The following HMGB4 variants were observed in gnomAD, a reference collection of about 807,000 sequenced individuals.
HMGB4 encodes high mobility group box 4, also known as high mobility group protein B4.
For missense variants in HMGB4, 217 were observed against 220.4 expected, an observed-to-expected ratio of 0.98 and a Z score of 0.10; for synonymous variants, 82 against 84.9, an observed-to-expected ratio of 0.97 and a Z score of 0.19.
In HMGB4 at chr1:33,864,551, G is replaced by T; in HGVS notation, c.360G>T (p.Val120=). The T allele has an allele frequency of 6.2e-7, 1 of 1,614,082 alleles. No homozygotes were observed. Among genetic ancestry groups the T allele is most frequent in the Non-Finnish European group, 8.5e-7 (1 of 1,180,010 alleles). The change falls in exon 1 of 1, where the codon GTG becomes GTT. Residue 120 remains valine (V), a synonymous_variant. Coordinates refer to ENST00000681531, the MANE Select transcript of HMGB4 (RefSeq NM_001379301.1). The part of the protein sequence containing the change: ...QLKRENPNWS[V]VQVAKATGKM... ...AGAGGGAGAACCCGAACTGGTCGGT[G>T]GTGCAGGTGGCCAAGGCCACAGGGA... is the stretch of plus-strand genomic sequence containing the variant.
At position 33,864,242 on chromosome 1, in the gene HMGB4, T is replaced by C; in HGVS notation, c.51T>C (p.Val17=). The C allele has an allele frequency of 6.2e-7, 1 of 1,612,820 alleles. No homozygotes were observed. Among genetic ancestry groups the C allele is most frequent in the Non-Finnish European group, 8.5e-7 (1 of 1,179,738 alleles). ...LKPKANVSSY[V]HFLLNYRNKF... ...CTAAGGCAAATGTCTCTTCTTACGT[T>C]CACTTTTTGCTGAATTACAGAAACA... The change falls in exon 1 of 1, where the codon GTT becomes GTC. Residue 17 remains valine, a synonymous_variant. Transcript: ENST00000681531.
rs757809863 is a variant in HMGB4 at position 33,864,725 on chromosome 1, C to T, written c.534C>T (p.Cys178=). ...ACCGAATGTCAGCTAGAAACCGGTG[C>T]AGAGGGAAAAGAGTCAGGCAGAGCT... ...KKYRMSARNR[C]RGKRVRQS is the part of the protein sequence containing the mutation. The change falls in exon 1 of 1, where the codon TGC becomes TGT. Residue 178 remains cysteine (C), a synonymous_variant. Coordinates refer to ENST00000681531, the MANE Select transcript of HMGB4 (RefSeq NM_001379301.1). 6.2e-7 allele frequency: 1 copy of T among 1,611,694 alleles called. No individual in the cohort carries two copies. The highest frequency in any genetic ancestry group is 8.5e-7 in the Non-Finnish European group (1 of 1,179,196).
upstream of HMGB4, chr1:33,860,734 T>C (rs962780664): frequency 6.6e-6 from 1 of 152,216 alleles, no homozygotes; most frequent in Admixed American, 6.5e-5. Flanking sequence ...TGAACTTATA[T>C]GTGTCTGGCT....
At chr1:33,863,860 G>C (rs1239054251), upstream of HMGB4, 9 of 209,588 alleles carry the variant, frequency 4.3e-5, no homozygotes, top group Admixed American at 4.9e-4. Context: ...TTATTTCTGG[G>C]GGACATAGCT....
In HMGB4 at chr1:33,864,474, C is replaced by CG; in HGVS notation, c.285dup (p.Pro96AlafsTer48). On this transcript the variant is annotated frameshift_variant, in exon 1 of 1. Coordinates refer to ENST00000681531, the MANE Select transcript of HMGB4 (RefSeq NM_001379301.1). LOFTEE classifies it low-confidence loss of function (END_TRUNC). ...AAAGCGGGATCCCCAGGAACCCAGACGGCCTCCATCATCCTTCCTACTCTT... is the reference window on the plus strand; with the variant it reads ...AAAGCGGGATCCCCAGGAACCCAGACGGGCCTCCATCATCCTTCCTACTCTT... 1 of 1,613,416 alleles carries CG rather than the reference C, an allele frequency of 6.2e-7. No homozygotes were observed. Among genetic ancestry groups the CG allele is most frequent in the Non-Finnish European group, 8.5e-7 (1 of 1,179,392 alleles).
chr1:33,863,817 C>G, upstream of HMGB4: 1 of 189,870 alleles, frequency 5.3e-6, no homozygotes, highest in Non-Finnish European at 1.1e-5. Context: ...TAAAGTGCAG[C>G]AAAACCCACT....
upstream of HMGB4, chr1:33,862,665 T>G (rs1464906993): frequency 6.6e-6 from 1 of 152,414 alleles, no homozygotes; most frequent in Non-Finnish European, 1.5e-5. Flanking sequence ...TGATATCTTA[T>G]AGGCCCCCAA....
At chr1:33,862,256 G>A (rs1192393861), upstream of HMGB4, 1 of 151,796 alleles carries the variant, frequency 6.6e-6, no homozygotes, top group Non-Finnish European at 1.5e-5. Context: ...TCTTAAATCT[G>A]CTAGCTTCCC....
In HMGB4 at chr1:33,864,331, A is replaced by C. The variant is rs764075026; in HGVS notation, c.140A>C (p.Glu47Ala). The change falls in exon 1 of 1, where the codon GAA becomes GCA. Residue 47 changes from glutamate to alanine, a missense_variant. By Grantham distance (107) the Glu-to-Ala change is moderately radical. Coordinates refer to ENST00000681531, the MANE Select transcript of HMGB4 (RefSeq NM_001379301.1). Reference sequence around the variant, plus strand: ...AAAGAGTTCTCTAGAAAGTGTTCGGAAAAATGGAGATCCATCTCAAAGCAT... The same window carrying C: ...AAAGAGTTCTCTAGAAAGTGTTCGGCAAAATGGAGATCCATCTCAAAGCAT... The part of the protein sequence containing the change: ...GFKEFSRKCS[E>A]KWRSISKHEK... The C allele has an allele frequency of 9.9e-6, 16 of 1,613,186 alleles. No homozygotes were observed. In the East Asian group the frequency reaches 3.6e-4, roughly 36 times the overall value.
At chr1:33,860,969 C>G (rs1639455469), upstream of HMGB4, 1 of 152,118 alleles carries the variant, frequency 6.6e-6, no homozygotes, top group African/African-American at 2.4e-5. Context: ...GAGTATGTCA[C>G]ACAAGTAGAA....
upstream of HMGB4, chr1:33,861,012 C>T (rs567209378): frequency 5.9e-5 from 9 of 152,310 alleles, no homozygotes; most frequent in South Asian, 1.9e-3. Context: ...CTGTGCTTTG[C>T]TACCTTCATC....
chr1:33,864,356 T>G lies in HMGB4; in HGVS notation c.165T>G (p.His55Gln). ...AAAAATGGAGATCCATCTCAAAGCATGAAAAGGCCAAATATGAAGCCCTGG... is the reference window on the plus strand; with the variant it reads ...AAAAATGGAGATCCATCTCAAAGCAGGAAAAGGCCAAATATGAAGCCCTGG... ...CSEKWRSISK[H>Q]EKAKYEALAK... Residue 55 changes from histidine (H) to glutamine (Q), a missense_variant, in exon 1 of 1, where the codon CAT (histidine) becomes CAG (glutamine). Coordinates refer to ENST00000681531, the MANE Select transcript of HMGB4 (RefSeq NM_001379301.1). The G allele has an allele frequency of 6.2e-7, 1 of 1,614,018 alleles. No homozygotes were observed.
Position 33,864,450 on chromosome 1 carries a change from A to C in HMGB4, c.259A>C (p.Lys87Gln). 1.2e-6 allele frequency: 2 copies of C among 1,613,836 alleles called. No individual in the cohort carries two copies. Among genetic ancestry groups the C allele is most frequent in the South Asian group, 1.1e-5 (1 of 91,080 alleles). Residue 87 changes from lysine to glutamine, a missense_variant, in exon 1 of 1, where the codon AAG becomes CAG. Coordinates refer to ENST00000681531, the MANE Select transcript of HMGB4 (RefSeq NM_001379301.1). ...NYVGKRKKRR[K>Q]RDPQEPRRPP... ...TGTTGGCAAGAGGAAGAAACGGAGA[A>C]AGCGGGATCCCCAGGAACCCAGACG...
upstream of HMGB4, among the ~76,000 whole-genome samples, chr1:33,861,556 T>A (rs979340723): frequency 6.6e-6 from 1 of 152,212 alleles, no homozygotes; most frequent in Non-Finnish European, 1.5e-5. Flanking sequence ...CTCTAGGCTG[T>A]GTGACTGCCA....
chr1:33,864,427 T>C lies in HMGB4; in HGVS notation c.236T>C (p.Val79Ala), dbSNP rs759377776. Reference sequence around the variant, plus strand: ...TACCAGGAAGAAATGATGAATTATGTTGGCAAGAGGAAGAAACGGAGAAAG... The same window carrying C: ...TACCAGGAAGAAATGATGAATTATGCTGGCAAGAGGAAGAAACGGAGAAAG... ...ARYQEEMMNY[V>A]GKRKKRRKRD... The change falls in exon 1 of 1, where the codon GTT (valine) becomes GCT (alanine). Residue 79 changes from valine to alanine, a missense_variant. Val to Ala is a moderately conservative substitution (Grantham distance 64). Coordinates refer to ENST00000681531, the MANE Select transcript of HMGB4 (RefSeq NM_001379301.1). The C allele has an allele frequency of 6.8e-6, 11 of 1,613,358 alleles. No individual in the cohort carries two copies. Among genetic ancestry groups the C allele is most frequent in the South Asian group, 6.6e-5 (6 of 91,088 alleles).
upstream of HMGB4, chr1:33,864,077 G>A: frequency 1.0e-6 from 1 of 985,414 alleles, no homozygotes; most frequent in Non-Finnish European, 1.5e-6. Context: ...TACAGCTCTT[G>A]CAGACAGAAA....
upstream of HMGB4, chr1:33,863,617 A>T (rs989100441): frequency 2.6e-5 from 4 of 152,736 alleles, no homozygotes; most frequent in African/African-American, 7.2e-5. Flanking sequence ...TTTGTATGGC[A>T]TGAGCTGCCA....
rs763838936 is a variant in HMGB4 at position 33,864,215 on chromosome 1, G to T, written c.24G>T (p.Lys8Asn). Residue 8 changes from lysine to asparagine, a missense_variant, in exon 1 of 1, where the codon AAG (lysine) becomes AAT (asparagine). Transcript: ENST00000681531. ...ACATGGGAAAAGAAATCCAGCTAAAGCCTAAGGCAAATGTCTCTTCTTACG... is the reference window on the plus strand; with the variant it reads ...ACATGGGAAAAGAAATCCAGCTAAATCCTAAGGCAAATGTCTCTTCTTACG... The part of the protein sequence containing the change: MGKEIQL[K>N]PKANVSSYVH... 1 of 1,608,150 alleles carries T rather than the reference G, an allele frequency of 6.2e-7. No individual in the cohort carries two copies. The highest frequency in any genetic ancestry group is 1.1e-5 in the South Asian group (1 of 89,684).
At position 33,864,582 on chromosome 1, in the gene HMGB4, T is replaced by A. The variant is rs778586306; in HGVS notation, c.391T>A (p.Trp131Arg). ...VQVAKATGKM[W>R]STATDLEKHP... The stretch of plus-strand genomic sequence containing the variant: ...GGTGGCCAAGGCCACAGGGAAGATG[T>A]GGTCAACAGCGACAGACCTGGAGAA... Residue 131 changes from tryptophan to arginine, a missense_variant, in exon 1 of 1, where the codon TGG becomes AGG. By Grantham distance (101) the Trp-to-Arg change is moderately radical. Transcript: ENST00000681531. 1 of 1,613,874 alleles carries A rather than the reference T, an allele frequency of 6.2e-7. No individual in the cohort carries two copies.
Sources: allele counts gnomAD v4.1 joint callset (sites outside exome capture counted in the v4.1 genomes callset), GRCh38; gene constraint gnomAD v4.1.1; transcripts MANE v1.5; gene names NCBI Gene and HGNC (gene_info 2026-07-23, HGNC 2026-07-21).